Variants in ABR observed in about 807,000 individuals in gnomAD.
ABR encodes ABR activator of RhoGEF and GTPase, also known as active breakpoint cluster region-related protein.
ABR carries 35 observed loss-of-function variants against 107.2 expected under a neutral mutation model. The ratio of observed to expected loss-of-function variants is 0.33; its 90% CI spans 0.25 to 0.43. The LOEUF is 0.43. Ranked by LOEUF, ABR falls within the 20% of genes least tolerant of loss-of-function variation. ABR has a pLI of 1.00. For synonymous variants in ABR, 498 were observed against 462.0 expected, an observed-to-expected ratio of 1.08 and a Z score of -1.00; for missense variants, 815 against 1,115.2, an observed-to-expected ratio of 0.73 and a Z score of 3.83.
chr17:1,191,352 T>C (rs1451157830), upstream of ABR, among the ~76,000 whole-genome samples: 2 of 108,462 alleles, frequency 1.8e-5, no homozygotes, highest in East Asian at 2.2e-4. Flanking sequence ...CATTTTTCTT[T>C]TCTTTTTTTT....
intron 1 of ABR, among the ~76,000 whole-genome samples, chr17:1,228,519 G>A (rs34887711): frequency 0.16 from 23,811 of 152,176 alleles, 2,136 homozygotes; most frequent in Non-Finnish European, 0.21. Flanking sequence ...TCAGGGCCAC[G>A]GAGCGCAAAG....
intron 6 of ABR, among the ~76,000 whole-genome samples, chr17:1,076,737 GTGGC>G (rs2035768092): frequency 2.3e-5 from 3 of 132,298 alleles, no homozygotes; most frequent in Admixed American, 7.4e-5. Context: ...GGTGGGGGGG[GTGGC>G]GGCACTGGGA....
At chr17:1,182,352 TG>T (rs1360836900), upstream of ABR, 1 of 152,408 alleles carries the variant, frequency 6.6e-6, no homozygotes, top group East Asian at 1.9e-4. Context: ...ACTCTGTTCA[TG>T]CTCTTTTTCT....
At chr17:1,049,641 G>A (rs907213821) in intron 16 of ABR, among the ~76,000 whole-genome samples, 4 of 151,986 alleles carry the variant, frequency 2.6e-5, no homozygotes, top group African/African-American at 4.8e-5. Flanking sequence ...AAGAGCAAAC[G>A]CCTGGTCCGT....
intron 2 of ABR, among the ~76,000 whole-genome samples, chr17:1,105,377 T>C (rs2038179499): frequency 6.6e-6 from 1 of 152,140 alleles, no homozygotes. Context: ...GGTCATATTT[T>C]TTCTAATATA....
Position 1,196,851 on chromosome 17 carries a change from T to C in ABR, c.838+31942A>G, listed in dbSNP as rs1049731570. Among the ~76,000 whole-genome samples the C allele has an allele frequency of 3.9e-5, 6 of 151,948 alleles. No homozygotes were observed. The East Asian group carries it at 5.9e-4, about 15-fold the overall frequency. On this transcript the variant is annotated intron_variant, in intron 1 of 22. Coordinates refer to the ABR transcript ENST00000574139. ...CTGGGACTACAGGCGCCCACCACCG[T>C]GCCCGGCTAATTTTTTGTATTTTTA...
intron 2 of ABR, 80 bp from the exon 3 acceptor site, chr17:1,100,815 T>C: frequency 1.5e-6 from 2 of 1,337,900 alleles, no homozygotes; most frequent in Non-Finnish European, 2.1e-6. Context: ...TTCCCTGCCC[T>C]TCCCCCCCGA....
chr17:1,079,285 C>T (rs1413116918), intron 6 of ABR, 45 bp downstream of exon 6: 2 of 1,600,496 alleles, frequency 1.2e-6, no homozygotes, highest in Admixed American at 1.7e-5. Flanking sequence ...CCTGCACAGC[C>T]AGACAAAGGT....
chr17:1,145,317 T>C (rs962506517), intron 1 of ABR, among the ~76,000 whole-genome samples: 9 of 152,222 alleles, frequency 5.9e-5, no homozygotes, highest in Admixed American at 3.3e-4. Flanking sequence ...ACAAATCCCA[T>C]AGGAGTTCTA....
In ABR at chr17:1,083,662, G is replaced by C; in HGVS notation, c.532-35C>G. ...GGAGTCAGGGAACAGAGGGAGAGGAGGGTGGGAGGGGAGAGGATTAATGAA... is the reference window on the plus strand; with the variant it reads ...GGAGTCAGGGAACAGAGGGAGAGGACGGTGGGAGGGGAGAGGATTAATGAA... On this transcript the variant is annotated intron_variant, in intron 4 of 22. Transcript: ENST00000302538. 1.3e-6 allele frequency: 2 copies of C among 1,489,568 alleles called. 1 individual carries two copies. Among genetic ancestry groups the C allele is most frequent in the Non-Finnish European group, 1.9e-6 (2 of 1,066,858 alleles). The allele number at this position is 1,489,568 out of a possible 1,614,324, so 92.3% of individuals were successfully genotyped here. A position where few individuals can be genotyped will look rare whatever the true frequency, so the allele number is the denominator to read the frequency against.
chr17:1,081,824 G>A (rs942061090), intron 5 of ABR, among the ~76,000 whole-genome samples: 19 of 152,088 alleles, frequency 1.2e-4, no homozygotes, highest in South Asian at 6.2e-4. Flanking sequence ...TGATCCGCCC[G>A]CCTCGGCCTC....
chr17:1,217,842 G>A (rs887490926), intron 1 of ABR, among the ~76,000 whole-genome samples: 2 of 152,152 alleles, frequency 1.3e-5, no homozygotes, highest in Admixed American at 1.3e-4. Context: ...TTACAGGCAC[G>A]TGCCACCATG....
In ABR at chr17:1,037,605, G is replaced by A. The variant is rs1032922761; in HGVS notation, c.1791+12445C>T. On this transcript the variant is annotated intron_variant, in intron 16 of 22. Transcript: ENST00000302538. This position sits in a 1 kb window ranked among gnomAD's most constrained non-coding sequence, Gnocchi z 4.6. ...CCCAGGGACAGAGTGGGCAGGGCGT[G>A]GCCCCTCAGTATGCTGTCCCTACCG... is the stretch of plus-strand genomic sequence containing the variant. 1.3e-5 allele frequency among the ~76,000 whole-genome samples: 2 copies of A among 152,184 alleles called. No individual in the cohort carries two copies. The highest frequency in any genetic ancestry group is 4.8e-5 in the African/African-American group (2 of 41,440).
At chr17:1,159,897 G>A (rs1444843962) in intron 1 of ABR, among the ~76,000 whole-genome samples, 1 of 152,254 alleles carries the variant, frequency 6.6e-6, no homozygotes, top group Admixed American at 6.5e-5. Context: ...CTTTGAGTCA[G>A]ACCTGTGGGA....
chr17:1,107,110 C>G (rs2038303672), intron 2 of ABR, among the ~76,000 whole-genome samples: 2 of 152,242 alleles, frequency 1.3e-5, no homozygotes, highest in Admixed American at 1.3e-4. Context: ...GCCTGGAACT[C>G]CCCGGCATTC....
chr17:1,106,343 A>G (rs2038243533), intron 2 of ABR, among the ~76,000 whole-genome samples: 1 of 152,028 alleles, frequency 6.6e-6, no homozygotes, highest in African/African-American at 2.4e-5. Context: ...TTGGATTCCT[A>G]CTAGCTGCCA....
chr17:1,116,839 T>C (rs2039010777), intron 2 of ABR, among the ~76,000 whole-genome samples: 1 of 152,108 alleles, frequency 6.6e-6, no homozygotes, highest in Admixed American at 6.5e-5. Context: ...TCCTTCTCTT[T>C]GCAGCAGGGA....
chr17:1,179,790 G>T lies in ABR; in HGVS notation c.-63C>A. 2 of 1,284,574 alleles carry T rather than the reference G, an allele frequency of 1.6e-6. No individual in the cohort carries two copies. Among genetic ancestry groups the T allele is most frequent in the Non-Finnish European group, 2.1e-6 (2 of 972,916 alleles). 79.6% of individuals were successfully genotyped at this position (1,284,574 alleles called of 1,614,324 possible). ...CTCATCGCGCAACAAAGGAGGGAGA[G>T]CGGGCGGGAGCCGGGGGAGGCCGAA... On this transcript the variant is annotated 5_prime_UTR_variant, in exon 1 of 23. Transcript: ENST00000302538. The surrounding 1 kb of genome is among the most constrained non-coding windows in gnomAD (Gnocchi z 4.9).
intron 1 of ABR, among the ~76,000 whole-genome samples, chr17:1,205,275 T>C (rs568472355): frequency 6.3e-4 from 96 of 152,178 alleles, no homozygotes; most frequent in Non-Finnish European, 1.2e-3. Context: ...TAAGCCTTAG[T>C]TTTCTCATAC....
Sources: allele counts gnomAD v4.1 joint callset (sites outside exome capture counted in the v4.1 genomes callset), GRCh38; gene constraint gnomAD v4.1.1; non-coding constraint Gnocchi (gnomAD v3.1); transcripts MANE v1.5; gene names NCBI Gene and HGNC (gene_info 2026-07-23, HGNC 2026-07-21).